The following PLCG2 variants were observed in gnomAD, a reference collection of about 807,000 sequenced individuals.
The protein encoded by PLCG2 is phospholipase C gamma 2.
A neutral mutation model predicts 175.6 loss-of-function variants in PLCG2; 69 were observed. That is an observed-to-expected ratio of 0.39 (90% CI 0.32 to 0.48). PLCG2 has a LOEUF of 0.48. PLCG2 is among the 20% of genes least tolerant of loss of function. The probability of loss-of-function intolerance (pLI) is 0.91; values close to 1 mark genes in which losing one functional copy is unlikely to be tolerated. For missense variants in PLCG2, 1,798 were observed against 1,650.9 expected, an observed-to-expected ratio of 1.09 and a Z score of -1.54; for synonymous variants, 827 against 624.0, an observed-to-expected ratio of 1.33 and a Z score of -4.85.
intron 27 of PLCG2, 84 bp downstream of exon 27, chr16:81,936,462 C>T: frequency 9.6e-7 from 1 of 1,046,442 alleles, no homozygotes; most frequent in South Asian, 1.3e-5. Context: ...GTCAGCGATA[C>T]CATGTGGTGT....
intron 15 of PLCG2, 40 bp from the exon 16 acceptor site, chr16:81,907,645 A>G: frequency 6.9e-7 from 1 of 1,441,596 alleles, no homozygotes; most frequent in Non-Finnish European, 9.8e-7. Context: ...TTGATGAGGT[A>G]GAGGACTTGG....
chr16:81,786,690 G>A (rs1461561963), intron 2 of PLCG2, among the ~76,000 whole-genome samples: 2 of 152,220 alleles, frequency 1.3e-5, no homozygotes. Flanking sequence ...GGTCTTGGTA[G>A]AGGTGTCCCT....
At chr16:81,940,145 AT>A in intron 30 of PLCG2, 86 bp downstream of exon 30, 1 of 1,231,818 alleles carries the variant, frequency 8.1e-7, no homozygotes, top group Non-Finnish European at 1.2e-6. Context: ...ATGAAAAATG[AT>A]TTTTCCTGGT....
chr16:81,870,899 C>G lies in PLCG2; in HGVS notation c.612C>G (p.Leu204=). The change falls in exon 7 of 33, where the codon CTC becomes CTG. Residue 204 remains leucine (L), a synonymous_variant. Transcript: ENST00000564138. ...AGCTCAGCTTTGAACAGTTCCATCT[C>G]TTCTATAAAAAACTTATGTTTGAAC... ...KDELSFEQFH[L]FYKKLMFEQQ... 6.2e-7 allele frequency: 1 copy of G among 1,602,850 alleles called. No individual in the cohort carries two copies. The highest frequency in any genetic ancestry group is 8.5e-7 in the Non-Finnish European group (1 of 1,174,020).
intron 1 of PLCG2, chr16:81,783,007 T>C: frequency 2.4e-6 from 1 of 421,310 alleles, no homozygotes; most frequent in Non-Finnish European, 4.7e-6. Context: ...TATGGCTGAG[T>C]TGATCCACTG....
intron 6 of PLCG2, among the ~76,000 whole-genome samples, chr16:81,870,119 T>G (rs7342692): frequency 0.83 from 126,184 of 152,160 alleles, 53,516 homozygotes; most frequent in East Asian, 0.99. Flanking sequence ...ATTAATCCAA[T>G]AATAGAAAAA....
At chr16:81,921,558 T>C (rs1307124089) in intron 21 of PLCG2, 2 of 427,702 alleles carry the variant, frequency 4.7e-6, no homozygotes, top group Non-Finnish European at 8.7e-6. Flanking sequence ...TTTCAAATGT[T>C]TTTGGCTCGC....
At chr16:81,865,876 G>C (rs559292375) in intron 5 of PLCG2, among the ~76,000 whole-genome samples, 9 of 140,382 alleles carry the variant, frequency 6.4e-5, no homozygotes, top group Non-Finnish European at 1.2e-4. Context: ...ACCAGCATGA[G>C]AGGACGCTGG....
intron 26 of PLCG2, chr16:81,935,467 GC>G (rs1426955711): frequency 1.1e-6 from 1 of 941,158 alleles, no homozygotes; most frequent in Non-Finnish European, 1.3e-6. Context: ...CAGGTAGCAA[GC>G]TTTTTGATGA....
intron 2 of PLCG2, among the ~76,000 whole-genome samples, chr16:81,791,711 G>C (rs190385458): frequency 1.3e-5 from 2 of 152,188 alleles, no homozygotes; most frequent in African/African-American, 4.8e-5. Context: ...ATTACAGGTG[G>C]GTACCATCAC....
rs569639154 is a variant in PLCG2, at chr16:81,765,292, T to G, written c.-48+9326T>G. The stretch of plus-strand genomic sequence containing the variant: ...AAGATTCCCAGCAACCACCCAAAGC[T>G]TGGAGAGAGGCATGGGACAATCTCC... On this transcript the variant is annotated intron_variant, in intron 2 of 5. Coordinates refer to the PLCG2 transcript ENST00000565054. Among the ~76,000 whole-genome samples, 24 of 152,206 alleles carry G rather than the reference T, an allele frequency of 1.6e-4. 1 individual carries two copies. Among genetic ancestry groups the G allele is most frequent in the African/African-American group, 5.8e-4 (24 of 41,522 alleles).
rs58137789 is a variant in PLCG2 at position 81,836,197 on chromosome 16, T to C, written c.194-18247T>C. Among the ~76,000 whole-genome samples, 1,026 of 152,306 alleles carry C rather than the reference T, an allele frequency of 6.7e-3. 13 individuals are homozygous for C. The highest frequency in any genetic ancestry group is 0.024 in the Middle Eastern group (7 of 294). Reference sequence around the variant, plus strand: ...CTAGAGACTATCCAAATGACACAGCTGACCCAATCCCTGCATTTCTCAGAG... The same window carrying C: ...CTAGAGACTATCCAAATGACACAGCCGACCCAATCCCTGCATTTCTCAGAG... On this transcript the variant is annotated intron_variant, in intron 2 of 32. Coordinates refer to ENST00000564138, the MANE Select transcript of PLCG2 (RefSeq NM_002661.5).
intron 2 of PLCG2, among the ~76,000 whole-genome samples, chr16:81,828,194 C>T (rs967094681): frequency 1.3e-5 from 2 of 150,446 alleles, no homozygotes; most frequent in African/African-American, 2.4e-5. Flanking sequence ...GTTCCCAGGC[C>T]AACAACTTGT....
At chr16:81,841,950 G>T (rs1234344094) in intron 2 of PLCG2, among the ~76,000 whole-genome samples, 2 of 152,214 alleles carry the variant, frequency 1.3e-5, no homozygotes, top group African/African-American at 2.4e-5. Flanking sequence ...GTTGCAAGGT[G>T]GTACAGAAAA....
chr16:81,766,483 T>A (rs1161560673), intron 2 of PLCG2, among the ~76,000 whole-genome samples: 2 of 392 alleles, frequency 5.1e-3, no homozygotes, highest in East Asian at 0.12. Flanking sequence ...CTCCTCCTCT[T>A]CCTCCTCCTC....
intron 2 of PLCG2, among the ~76,000 whole-genome samples, chr16:81,840,185 G>A (rs765065563): frequency 6.6e-6 from 1 of 152,188 alleles, no homozygotes. Flanking sequence ...GGCAATCAAC[G>A]AAGGGCGATG....
chr16:81,834,711 G>C (rs565581335), intron 2 of PLCG2, among the ~76,000 whole-genome samples: 12 of 152,204 alleles, frequency 7.9e-5, no homozygotes, highest in Non-Finnish European at 1.6e-4. Flanking sequence ...GCAGGGTGGG[G>C]AGGAGAACCC....
At position 81,912,724 on chromosome 16, in the gene PLCG2, C is replaced by A. The variant is rs757609061; in HGVS notation, c.2054+8C>A. ...CTATGCCATCACCTTCAGGTGGGTGCGAGGGTGGGAGGCACATGCTCTACA... is the reference window on the plus strand; with the variant it reads ...CTATGCCATCACCTTCAGGTGGGTGAGAGGGTGGGAGGCACATGCTCTACA... On this transcript the variant is annotated splice_region_variant and intron_variant, in intron 19 of 32. Transcript: ENST00000564138. The A allele has an allele frequency of 6.3e-7, 1 of 1,590,982 alleles. No individual in the cohort carries two copies. The highest frequency in any genetic ancestry group is 8.6e-7 in the Non-Finnish European group (1 of 1,169,114).
At chr16:81,898,218 A>G (rs62044001) in intron 13 of PLCG2, 84 of 188,760 alleles carry the variant, frequency 4.5e-4, no homozygotes, top group Non-Finnish European at 7.4e-4. Flanking sequence ...GGAATCATCT[A>G]ACACCTATAG....
Sources: gnomAD v4.1 joint callset for allele counts (sites outside exome capture counted in the v4.1 genomes callset) on GRCh38, gnomAD v4.1.1 for gene constraint, MANE v1.5 for transcripts, NCBI Gene and HGNC (gene_info 2026-07-23, HGNC 2026-07-21) for gene names.